The following SCARF1 variants were observed in gnomAD, a reference collection of about 807,000 sequenced individuals.
SCARF1 encodes the protein scavenger receptor class F member 1.
A neutral mutation model predicts 76.3 loss-of-function variants in SCARF1; 49 were observed. The observed-to-expected ratio is 0.64, with a 90% CI of 0.51 to 0.81. SCARF1 has a LOEUF of 0.81. SCARF1 is among the 40% of genes least tolerant of loss of function. The pLI is 0.00. For synonymous variants in SCARF1, 495 were observed against 474.6 expected (o/e 1.04, Z -0.56); for missense variants, 1,098 against 1,143.9 (o/e 0.96, Z 0.58).
At chr17:1,641,714 T>C (rs1910066789) in intron 4 of SCARF1, among the ~76,000 whole-genome samples, 1 of 152,148 alleles carries the variant, frequency 6.6e-6, no homozygotes, top group African/African-American at 2.4e-5. Flanking sequence ...TTTTATTTCT[T>C]ATTTTATTTT....
intron 8 of SCARF1, among the ~76,000 whole-genome samples, chr17:1,637,726 C>T (rs913808913): frequency 6.6e-6 from 1 of 152,128 alleles, no homozygotes; most frequent in Non-Finnish European, 1.5e-5. Context: ...CTCACCTTGG[C>T]CTCCCAAAGT....
Position 1,645,275 on chromosome 17 carries a change from G to A in SCARF1, c.102-36C>T. ...AAAAGGGGTCAGCCGGACATGGTGG[G>A]GGGTGCAGCCTGGCCCTGAGGAAGG... On this transcript the variant is annotated intron_variant, in intron 1 of 10. Transcript: ENST00000263071. The surrounding 1 kb of genome is among the most constrained non-coding windows in gnomAD (Gnocchi z 6.3). 3.1e-6 allele frequency: 5 copies of A among 1,609,380 alleles called. No individual in the cohort carries two copies. The highest frequency in any genetic ancestry group is 4.2e-6 in the Non-Finnish European group (5 of 1,178,668).
chr17:1,638,608 T>A, intron 8 of SCARF1, 198 bp downstream of exon 8: 1 of 344,458 alleles, frequency 2.9e-6, no homozygotes, highest in Non-Finnish European at 4.7e-6. Flanking sequence ...CTGACCTACG[T>A]GGGCGACAAG....
chr17:1,644,901 G>A lies in SCARF1; in HGVS notation c.198C>T (p.Asp66=), dbSNP rs758770965. The change falls in exon 3 of 11, where the codon GAC becomes GAT. Residue 66 remains aspartate, a synonymous_variant. Coordinates refer to ENST00000263071, the MANE Select transcript of SCARF1 (RefSeq NM_003693.4). This position sits in a 1 kb window ranked among gnomAD's most constrained non-coding sequence, Gnocchi z 4.8. ...ICEGPDACQK[D]EVCVKPGLCR... ...AGAGGCCCGGCTTCACACACACCTC[G>A]TCTTTCTGGCAGGCGTCCGGCCCCT... is the stretch of plus-strand genomic sequence containing the variant. 2 of 1,613,374 alleles carry A rather than the reference G, an allele frequency of 1.2e-6. No homozygotes were observed. The highest frequency in any genetic ancestry group is 1.3e-5 in the African/African-American group (1 of 74,924).
chr17:1,636,682 G>A, intron 10 of SCARF1, 27 bp downstream of exon 10: 4 of 1,611,702 alleles, frequency 2.5e-6, no homozygotes, highest in Non-Finnish European at 3.4e-6. Flanking sequence ...GGCTGCTCAG[G>A]GGCTATGTGG....
chr17:1,640,161 T>A lies in SCARF1; in HGVS notation c.1011-121A>T. On this transcript the variant is annotated intron_variant, in intron 5 of 10. Transcript: ENST00000263071. This position sits in a 1 kb window ranked among gnomAD's most constrained non-coding sequence, Gnocchi z 4.7. ...GACCCAACTGGCCACTCCTCAGCAG[T>A]GAAGCTCAGGTGCAAATAGGGCCTT... The A allele has an allele frequency of 3.2e-6, 4 of 1,233,506 alleles. No individual in the cohort carries two copies. In the South Asian group the frequency reaches 4.4e-5, roughly 13 times the overall value. The allele number at this position is 1,233,506 out of a possible 1,614,324, so 76.4% of individuals were successfully genotyped here.
rs1397056824 is a variant in SCARF1, at chr17:1,634,306, G to A, written c.*452C>T. On this transcript the variant is annotated 3_prime_UTR_variant, in exon 11 of 11. Transcript: ENST00000263071. ...CGGGAGGCTGAGGCAGGAGAAGGGC[G>A]TGAACCCGGGAGGCAGAGCTTGCAG... 3 of 247,302 alleles carry A rather than the reference G, an allele frequency of 1.2e-5. No homozygotes were observed. The highest frequency in any genetic ancestry group is 5.6e-5 in the Admixed American group (1 of 17,904). The allele number at this position is 247,302 out of a possible 1,614,324, so 15.3% of individuals were successfully genotyped here.
At chr17:1,636,439 C>T (rs1333724192) in intron 10 of SCARF1, among the ~76,000 whole-genome samples, 1 of 152,052 alleles carries the variant, frequency 6.6e-6, no homozygotes, top group Non-Finnish European at 1.5e-5. Context: ...CACGGTGAAA[C>T]CCGGTCTCTA....
chr17:1,635,136 G>C lies in SCARF1; in HGVS notation c.2115C>G (p.Val705=), dbSNP rs368925073. The change falls in exon 11 of 11, where the codon GTC becomes GTG. Residue 705 remains valine, a synonymous_variant. Transcript: ENST00000263071. ...TACCAAAATGGCGGAAGACAGAGCG[G>C]ACAGGGCCTTCGGATCCGCGGGGCT... ...AGKPRGSEGP[V]RSVFRHFGSF... 1.2e-4 allele frequency: 193 copies of C among 1,613,530 alleles called. No homozygotes were observed. Among genetic ancestry groups the C allele is most frequent in the Admixed American group, 2.8e-4 (17 of 60,014 alleles).
rs1259291667 is a variant in SCARF1, at chr17:1,635,160, C to T, written c.2091G>A (p.Lys697=). Residue 697 remains lysine, a synonymous_variant, in exon 11 of 11, where the codon AAG becomes AAA. Transcript: ENST00000263071. Reference sequence around the variant, plus strand: ...GGACAGGGCCTTCGGATCCGCGGGGCTTCCCTGCCAGCATGTAGATCGTGG... The same window carrying T: ...GGACAGGGCCTTCGGATCCGCGGGGTTTCCCTGCCAGCATGTAGATCGTGG... ...PVTTIYMLAG[K]PRGSEGPVRS... 1 of 1,613,516 alleles carries T rather than the reference C, an allele frequency of 6.2e-7. No individual in the cohort carries two copies. The highest frequency in any genetic ancestry group is 1.1e-5 in the South Asian group (1 of 91,090).
chr17:1,635,220 A>G lies in SCARF1; in HGVS notation c.2031T>C (p.Ile677=), dbSNP rs1240207183. 1 of 1,612,958 alleles carries G rather than the reference A, an allele frequency of 6.2e-7. No homozygotes were observed. The highest frequency in any genetic ancestry group is 1.1e-5 in the South Asian group (1 of 91,070). ...CCGAGCTCTCCTGGACGCTGCCCTC[A>G]ATGGCTTCCACGTGCTCAGCCACTG... The part of the protein sequence containing the change: ...GRTVAEHVEA[I]EGSVQESSGP... Residue 677 remains isoleucine (I), a synonymous_variant, in exon 11 of 11, where the codon ATT becomes ATC. Coordinates refer to ENST00000263071, the MANE Select transcript of SCARF1 (RefSeq NM_003693.4).
chr17:1,643,094 C>T (rs1336033273), intron 4 of SCARF1, among the ~76,000 whole-genome samples: 2 of 151,264 alleles, frequency 1.3e-5, no homozygotes, highest in Non-Finnish European at 3.0e-5. Flanking sequence ...CCGCCGCGGC[C>T]ACCTGTCTCC....
Position 1,635,014 on chromosome 17 carries a change from G to C in SCARF1, c.2237C>G (p.Ala746Gly). 1 of 1,613,900 alleles carries C rather than the reference G, an allele frequency of 6.2e-7. No homozygotes were observed. The highest frequency in any genetic ancestry group is 8.5e-7 in the Non-Finnish European group (1 of 1,179,904). Residue 746 changes from alanine (A) to glycine (G), a missense_variant, in exon 11 of 11, where the codon GCC (alanine) becomes GGC (glycine). Ala to Gly is a moderately conservative substitution (Grantham distance 60, BLOSUM62 0). Transcript: ENST00000263071. Reference sequence around the variant, plus strand: ...GGGGCTCTGGCCGACAGAGCCAGAGGCAAGGCCAGGGCTGCCCTTTTTCCG... The same window carrying C: ...GGGGCTCTGGCCGACAGAGCCAGAGCCAAGGCCAGGGCTGCCCTTTTTCCG... ...LNRKKGSPGL[A>G]SGSVGQSPNS...
At chr17:1,637,149 CTCT>C in intron 8 of SCARF1, 87 bp from the exon 9 acceptor site, 1 of 1,468,530 alleles carries the variant, frequency 6.8e-7, no homozygotes, top group Non-Finnish European at 9.4e-7. Flanking sequence ...GGGTGACTGC[CTCT>C]ACTTCAGTGG....
chr17:1,644,793 C>G lies in SCARF1; in HGVS notation c.265+41G>C. ...TGCTCCCACACCACTGCCCCCGTAC[C>G]CAGCTCTGCCCAGCAACTTCATCTG... On this transcript the variant is annotated intron_variant, in intron 3 of 10. Transcript: ENST00000263071. The surrounding 1 kb of genome is among the most constrained non-coding windows in gnomAD (Gnocchi z 4.8). The G allele has an allele frequency of 6.3e-7, 1 of 1,580,170 alleles. No homozygotes were observed. The highest frequency in any genetic ancestry group is 8.6e-7 in the Non-Finnish European group (1 of 1,160,942).
chr17:1,635,077 T>G lies in SCARF1; in HGVS notation c.2174A>C (p.Lys725Thr), dbSNP rs1370262465. 1 of 1,613,898 alleles carries G rather than the reference T, an allele frequency of 6.2e-7. No homozygotes were observed. Among genetic ancestry groups the G allele is most frequent in the African/African-American group, 1.3e-5 (1 of 74,960 alleles). Reference protein sequence around the residue: ...FQKGQAEAKVKRAIPKPPRQA... With the variant: ...FQKGQAEAKVTRAIPKPPRQA... ...GCGCGGAGGCTTAGGGATGGCCCTC[T>G]TGACCTTGGCTTCCGCCTGGCCTTT... Residue 725 changes from lysine (K) to threonine (T), a missense_variant, in exon 11 of 11, where the codon AAG becomes ACG. Coordinates refer to ENST00000263071, the MANE Select transcript of SCARF1 (RefSeq NM_003693.4).
At position 1,640,392 on chromosome 17, in the gene SCARF1, G is replaced by A. The variant is rs1440711280; in HGVS notation, c.1010+56C>T. 1 of 1,461,610 alleles carries A rather than the reference G, an allele frequency of 6.8e-7. No homozygotes were observed. Among genetic ancestry groups the A allele is most frequent in the Non-Finnish European group, 9.3e-7 (1 of 1,072,472 alleles). 90.5% of individuals were successfully genotyped at this position (1,461,610 alleles called of 1,614,324 possible). A position where few individuals can be genotyped will look rare whatever the true frequency, so the allele number is the denominator to read the frequency against. On this transcript the variant is annotated intron_variant, in intron 5 of 10. Transcript: ENST00000263071. The surrounding 1 kb of genome is among the most constrained non-coding windows in gnomAD (Gnocchi z 4.7). ...GGTGGTGCTCTCGGAGAGAGCCGCT[G>A]AGCTGAGGGTCCTGGGGGAAGGTGT...
Position 1,645,225 on chromosome 17 carries a change from A to G in SCARF1, c.116T>C (p.Leu39Pro). 8 of 1,613,486 alleles carry G rather than the reference A, an allele frequency of 5.0e-6. No homozygotes were observed. The highest frequency in any genetic ancestry group is 6.8e-6 in the Non-Finnish European group (8 of 1,179,972). The change falls in exon 2 of 11, where the codon CTG becomes CCG. Residue 39 changes from leucine to proline, a missense_variant. Coordinates refer to ENST00000263071, the MANE Select transcript of SCARF1 (RefSeq NM_003693.4). The surrounding 1 kb of genome is among the most constrained non-coding windows in gnomAD (Gnocchi z 6.3). ...CTGCCTCCAGCCTGCGCAGCACTGC[A>G]GCTCAGCAGAGGGGCTGTGGGGCAA... Reference protein sequence around the residue: ...VCVASSPSAELQCCAGWRQKD... With the variant: ...VCVASSPSAEPQCCAGWRQKD...
Position 1,640,722 on chromosome 17 carries a change from C to T in SCARF1, c.792-56G>A. 2.7e-6 allele frequency: 4 copies of T among 1,494,836 alleles called. No individual in the cohort carries two copies. The highest frequency in any genetic ancestry group is 3.7e-5 in the Admixed American group (2 of 54,192). The allele number at this position is 1,494,836 out of a possible 1,614,324, so 92.6% of individuals were successfully genotyped here. On this transcript the variant is annotated intron_variant, in intron 4 of 10. Transcript: ENST00000263071. This position sits in a 1 kb window ranked among gnomAD's most constrained non-coding sequence, Gnocchi z 4.7. ...GGGGGTGGATGGATGGAGCGCCCAC[C>T]CCCTCCTACCCCTGTACTCCACGCA...
Sources: gnomAD v4.1 joint callset for allele counts (sites outside exome capture counted in the v4.1 genomes callset) on GRCh38, gnomAD v4.1.1 for gene constraint, Gnocchi (gnomAD v3.1) non-coding constraint, MANE v1.5 for transcripts, NCBI Gene and HGNC (gene_info 2026-07-23, HGNC 2026-07-21) for gene names.